Variants in SGCZ observed in about 807,000 individuals in gnomAD.
SGCZ encodes zeta-sarcoglycan.
In SGCZ, 40 loss-of-function variants were observed where a neutral mutation model predicts 41.3. The ratio of observed to expected loss-of-function variants is 0.97; its 90% CI spans 0.75 to 1.26. SGCZ has a LOEUF of 1.26. Among genes scored for constraint, SGCZ ranks in the 50% most tolerant of loss-of-function variants. The pLI is 0.00. For missense variants in SGCZ, 552 were observed against 369.8 expected (o/e 1.49, Z -4.04); for synonymous variants, 206 against 137.5 (o/e 1.50, Z -3.49).
intron 1 of SGCZ, among the ~76,000 whole-genome samples, chr8:14,761,258 C>T (rs1389480214): frequency 2.0e-5 from 3 of 152,028 alleles, no homozygotes; most frequent in Admixed American, 6.6e-5. Context: ...CTGAAAAGTA[C>T]ATATGTGAGA....
chr8:15,218,065 T>C (rs747743805), intron 1 of SGCZ, among the ~76,000 whole-genome samples: 9 of 152,202 alleles, frequency 5.9e-5, no homozygotes, highest in African/African-American at 2.2e-4. Context: ...ATGTAAAATA[T>C]AGCCCATTTA....
chr8:14,403,465 T>A (rs1370742898), intron 2 of SGCZ, among the ~76,000 whole-genome samples: 1 of 151,770 alleles, frequency 6.6e-6, no homozygotes, highest in African/African-American at 2.4e-5. Context: ...ATACATCCCA[T>A]CAATACCTAA....
chr8:14,850,123 C>T (rs747340921), intron 1 of SGCZ, among the ~76,000 whole-genome samples: 14 of 152,160 alleles, frequency 9.2e-5, no homozygotes, highest in Non-Finnish European at 1.8e-4. Flanking sequence ...AATGCCTTCA[C>T]ACTATTAGAT....
At chr8:14,745,504 C>A (rs1402292710) in intron 1 of SGCZ, among the ~76,000 whole-genome samples, 1 of 151,998 alleles carries the variant, frequency 6.6e-6, no homozygotes, top group Non-Finnish European at 1.5e-5. Flanking sequence ...GATGCTTGAG[C>A]CCAGGAGTTT....
intron 1 of SGCZ, among the ~76,000 whole-genome samples, chr8:14,989,004 GA>G (rs774057002): frequency 1.8e-3 from 271 of 152,198 alleles, no homozygotes; most frequent in Middle Eastern, 3.4e-3. Flanking sequence ...TCTTAAAAAT[GA>G]AAAGCTATTT....
At chr8:15,054,264 A>C (rs1804623948) in intron 1 of SGCZ, among the ~76,000 whole-genome samples, 1 of 152,232 alleles carries the variant, frequency 6.6e-6, no homozygotes, top group African/African-American at 2.4e-5. Flanking sequence ...ACATTGATTT[A>C]TCTTACTTCC....
At chr8:15,208,902 TAG>T (rs35949197) in intron 1 of SGCZ, among the ~76,000 whole-genome samples, 2,405 of 149,962 alleles carry the variant, frequency 0.016, 53 homozygotes, top group African/African-American at 0.054. Flanking sequence ...TACATATATA[TAG>T]AGAGAGAGAG....
At chr8:14,588,551 C>G (rs1805138390) in intron 1 of SGCZ, among the ~76,000 whole-genome samples, 1 of 151,972 alleles carries the variant, frequency 6.6e-6, no homozygotes, top group African/African-American at 2.4e-5. Context: ...AACAAAGCTA[C>G]ATTACTTTCA....
chr8:14,920,489 A>G (rs552482052), intron 1 of SGCZ, among the ~76,000 whole-genome samples: 253 of 152,344 alleles, frequency 1.7e-3, no homozygotes, highest in Middle Eastern at 3.4e-3. Flanking sequence ...AGGAAGTCAC[A>G]CATCCAATAA....
At chr8:14,875,873 C>G (rs559516297) in intron 1 of SGCZ, among the ~76,000 whole-genome samples, 1 of 152,084 alleles carries the variant, frequency 6.6e-6, no homozygotes, top group Non-Finnish European at 1.5e-5. Context: ...TAACATCACC[C>G]TAATCCAAAG....
At chr8:14,598,487 C>A (rs1047839793) in intron 1 of SGCZ, among the ~76,000 whole-genome samples, 17 of 151,532 alleles carry the variant, frequency 1.1e-4, no homozygotes, top group South Asian at 2.1e-4. Flanking sequence ...TCATCTCTCT[C>A]TCTCTATATA....
rs1800904154 is a variant in SGCZ at position 14,293,345 on chromosome 8, A to G, written c.336+30758T>C. On this transcript the variant is annotated intron_variant, in intron 3 of 7. Transcript: ENST00000382080. The stretch of plus-strand genomic sequence containing the variant: ...TTGCTTTTCATCTGCATATAAAAGT[A>G]GAATAGAATTCCAGAGAAGAGATAT... 2.0e-5 allele frequency among the ~76,000 whole-genome samples: 3 copies of G among 152,038 alleles called. No homozygotes were observed. In the South Asian group the frequency reaches 6.2e-4, roughly 31 times the overall value.
chr8:14,371,851 A>G (rs1022304068), intron 2 of SGCZ, among the ~76,000 whole-genome samples: 1 of 152,164 alleles, frequency 6.6e-6, no homozygotes, highest in African/African-American at 2.4e-5. Flanking sequence ...TGGAGAAGAA[A>G]AAAGAGCTAA....
At chr8:14,766,390 G>A (rs1460546476) in intron 1 of SGCZ, among the ~76,000 whole-genome samples, 2 of 152,012 alleles carry the variant, frequency 1.3e-5, no homozygotes, top group African/African-American at 4.8e-5. Flanking sequence ...AAAAGAATTT[G>A]TTTACTTATT....
chr8:14,628,544 A>T (rs1806538680), intron 1 of SGCZ, among the ~76,000 whole-genome samples: 1 of 152,096 alleles, frequency 6.6e-6, no homozygotes, highest in Non-Finnish European at 1.5e-5. Context: ...CTCAAATATG[A>T]AACTAAGGAA....
intron 1 of SGCZ, among the ~76,000 whole-genome samples, chr8:14,859,450 C>A (rs1803647980): frequency 1.3e-5 from 2 of 152,066 alleles, no homozygotes; most frequent in African/African-American, 4.8e-5. Flanking sequence ...ACTAGTTTAA[C>A]CCTAAACTCC....
chr8:14,613,794 T>C (rs1443888973), intron 1 of SGCZ, among the ~76,000 whole-genome samples: 1 of 152,094 alleles, frequency 6.6e-6, no homozygotes, highest in Middle Eastern at 3.2e-3. Flanking sequence ...TTAATGAAGT[T>C]GGCCACTCTT....
Position 14,333,194 on chromosome 8 carries a change from T to C in SGCZ, c.235-8990A>G, listed in dbSNP as rs1459392356. On this transcript the variant is annotated intron_variant, in intron 2 of 7. Coordinates refer to ENST00000382080, the MANE Select transcript of SGCZ (RefSeq NM_139167.4). ...TTAACTGGAAGTTAAGGTTACCTGC[T>C]GGGAACCAAATCAGTGGTTGTGGGA... Among the ~76,000 whole-genome samples, 3 of 152,104 alleles carry C rather than the reference T, an allele frequency of 2.0e-5. No individual in the cohort carries two copies. In the East Asian group the frequency reaches 5.8e-4, roughly 29 times the overall value.
chr8:14,179,182 C>T (rs1200384691), intron 4 of SGCZ, among the ~76,000 whole-genome samples: 2 of 152,228 alleles, frequency 1.3e-5, no homozygotes, highest in African/African-American at 2.4e-5. Flanking sequence ...CCAAAGCCCC[C>T]TTCTCAACAG....
Sources: allele counts gnomAD v4.1 joint callset (sites outside exome capture counted in the v4.1 genomes callset), GRCh38; gene constraint gnomAD v4.1.1; transcripts MANE v1.5; gene names NCBI Gene and HGNC (gene_info 2026-07-23, HGNC 2026-07-21).